Variants in EFCAB6 observed in about 807,000 individuals in gnomAD.
The protein encoded by EFCAB6 is EF-hand calcium binding domain 6.
Under a neutral mutation model 169.8 loss-of-function variants are expected in EFCAB6, and 156 were observed. The ratio of observed to expected loss-of-function variants is 0.92; its 90% CI spans 0.81 to 1.05. EFCAB6 has a LOEUF of 1.05. Ranked by LOEUF, EFCAB6 falls within the 50% of genes least tolerant of loss-of-function variation. The pLI is 0.00. For synonymous variants in EFCAB6, 698 were observed against 676.4 expected (o/e 1.03, Z -0.50); for missense variants, 1,800 against 1,829.1 (o/e 0.98, Z 0.29).
At chr22:43,629,921 T>C (rs2054812669) in intron 19 of EFCAB6, among the ~76,000 whole-genome samples, 2 of 152,120 alleles carry the variant, frequency 1.3e-5, no homozygotes, top group Admixed American at 6.5e-5. Flanking sequence ...CAAGACGAAT[T>C]GTGAAGTGCA....
rs779097018 is a variant in EFCAB6, at chr22:43,598,322, A to ACAAAAAC, written c.2876+1746_2876+1747insGTTTTTG. Among the ~76,000 whole-genome samples the ACAAAAAC allele has an allele frequency of 2.9e-4, 38 of 130,322 alleles. 1 individual carries two copies. In the East Asian group the frequency reaches 4.3e-3, roughly 15 times the overall value. The allele number at this position is 130,322 out of a possible 152,430, so 85.5% of individuals were successfully genotyped here. ...GACACTGTCTCCGGGAAAAAAAAAA[A>ACAAAAAC]AAAAAAAAAAAAAAAAGGTTGATCT... On this transcript the variant is annotated intron_variant, in intron 23 of 31. Transcript: ENST00000262726.
At chr22:43,676,261 C>T (rs1260465838) in intron 13 of EFCAB6, among the ~76,000 whole-genome samples, 1 of 151,584 alleles carries the variant, frequency 6.6e-6, no homozygotes, top group Non-Finnish European at 1.5e-5. Context: ...ACTAAACATA[C>T]AAAAAATTAG....
chr22:43,581,012 G>T lies in EFCAB6; in HGVS notation c.3033-353C>A, dbSNP rs766765250. Among the ~76,000 whole-genome samples, 6 of 152,314 alleles carry T rather than the reference G, an allele frequency of 3.9e-5. No individual in the cohort carries two copies. In the East Asian group the frequency reaches 5.8e-4, roughly 15 times the overall value. ...TGCTGAGAATCTGGCCCTATGACGG[G>T]GGCACGTGAAAGTATGTTGGCAGGG... On this transcript the variant is annotated intron_variant, in intron 24 of 31. Coordinates refer to ENST00000262726, the MANE Select transcript of EFCAB6 (RefSeq NM_022785.4).
chr22:43,640,821 G>T (rs1010020920), intron 17 of EFCAB6, among the ~76,000 whole-genome samples: 1 of 152,012 alleles, frequency 6.6e-6, no homozygotes, highest in African/African-American at 2.4e-5. Context: ...TTTATACTTG[G>T]TATCTCTGGG....
rs1468776599 is a variant in EFCAB6 at position 43,635,192 on chromosome 22, TG to T, written c.2007del (p.Met670TrpfsTer9). On this transcript the variant is annotated frameshift_variant, in exon 18 of 32. Coordinates refer to ENST00000262726, the MANE Select transcript of EFCAB6 (RefSeq NM_022785.4). LOFTEE classifies it high-confidence loss of function. ...FKKVLEDTGMPMDDDQYALLT... is the reference protein window; with the variant it reads ...FKKVLEDTGMXMDDDQYALLT... ...AGCAGGGCATACTGATCATCGTCCA[TG>T]GGCATCCCAGTGTCTTCCAGTACCT... The T allele has an allele frequency of 2.5e-6, 4 of 1,614,018 alleles. No homozygotes were observed. The highest frequency in any genetic ancestry group is 1.6e-4 in the Middle Eastern group (1 of 6,084).
At chr22:43,658,086 G>A (rs5764190) in intron 17 of EFCAB6, among the ~76,000 whole-genome samples, 34,788 of 151,728 alleles carry the variant, frequency 0.23, 5,193 homozygotes, top group East Asian at 0.61. Context: ...AAAATTATCC[G>A]GGTATGGTGG....
intron 11 of EFCAB6, among the ~76,000 whole-genome samples, 188 bp downstream of exon 11, chr22:43,687,283 T>C (rs1031083648): frequency 4.6e-5 from 7 of 152,180 alleles, no homozygotes; most frequent in Admixed American, 2.0e-4. Flanking sequence ...ACCAACCTTA[T>C]AGTTTAAGGC....
At chr22:43,583,601 G>T (rs918279737) in intron 24 of EFCAB6, among the ~76,000 whole-genome samples, 1 of 23,530 alleles carries the variant, frequency 4.2e-5, no homozygotes, top group African/African-American at 1.9e-4. Context: ...CCAAGGTAAT[G>T]ACCTTTTAGC....
At chr22:43,541,082 A>C (rs896417335) in intron 27 of EFCAB6, among the ~76,000 whole-genome samples, 6 of 152,200 alleles carry the variant, frequency 3.9e-5, no homozygotes, top group African/African-American at 1.2e-4. Context: ...GCACAGCCCC[A>C]AAAACCAGAC....
intron 24 of EFCAB6, among the ~76,000 whole-genome samples, chr22:43,587,022 A>G (rs1456152225): frequency 6.6e-6 from 1 of 152,220 alleles, no homozygotes; most frequent in Non-Finnish European, 1.5e-5. Flanking sequence ...GGAATGTGGA[A>G]GAGAGAAAAT....
chr22:43,759,809 C>A (rs1426463803), intron 5 of EFCAB6: 3 of 152,180 alleles, frequency 2.0e-5, no homozygotes, highest in Non-Finnish European at 4.4e-5. Context: ...GATTTTGATA[C>A]ATGACAAGGT....
intron 20 of EFCAB6, among the ~76,000 whole-genome samples, chr22:43,623,981 G>A (rs1300745228): frequency 2.0e-5 from 3 of 151,956 alleles, no homozygotes; most frequent in Non-Finnish European, 4.4e-5. Context: ...GGTGGTGGAG[G>A]TGGAACAGGG....
intron 29 of EFCAB6, chr22:43,535,520 G>A (rs2047334052): frequency 6.6e-6 from 1 of 152,216 alleles, no homozygotes; most frequent in African/African-American, 2.4e-5. Flanking sequence ...GTGGCCGAGA[G>A]GCTGGCCCAC....
At chr22:43,715,134 A>C (rs1033410673) in intron 9 of EFCAB6, among the ~76,000 whole-genome samples, 1 of 152,218 alleles carries the variant, frequency 6.6e-6, no homozygotes, top group African/African-American at 2.4e-5. Flanking sequence ...CCAGCTCTTA[A>C]TAGCTTTTAA....
intron 21 of EFCAB6, among the ~76,000 whole-genome samples, chr22:43,611,446 G>T (rs1371193190): frequency 6.6e-6 from 1 of 152,126 alleles, no homozygotes; most frequent in Non-Finnish European, 1.5e-5. Flanking sequence ...GAGATTCAAT[G>T]CTATTCCTGT....
At chr22:43,685,265 C>T (rs2058148246) in intron 11 of EFCAB6, among the ~76,000 whole-genome samples, 1 of 152,018 alleles carries the variant, frequency 6.6e-6, no homozygotes, top group Admixed American at 6.6e-5. Context: ...CACCTAGAAA[C>T]CTGGTAAAGC....
chr22:43,536,342 AACTT>A (rs2047382207), intron 29 of EFCAB6: 1 of 152,222 alleles, frequency 6.6e-6, no homozygotes, highest in African/African-American at 2.4e-5. Flanking sequence ...AATAGGCTCT[AACTT>A]AAAGAGTTTA....
At chr22:43,619,720 CAT>C (rs2053991844) in intron 20 of EFCAB6, among the ~76,000 whole-genome samples, 1 of 152,086 alleles carries the variant, frequency 6.6e-6, no homozygotes, top group Non-Finnish European at 1.5e-5. Context: ...ATAAAAATAA[CAT>C]AGTCTCAGAG....
chr22:43,800,021 T>C (rs1361079050), intron 2 of EFCAB6, among the ~76,000 whole-genome samples: 1 of 152,206 alleles, frequency 6.6e-6, no homozygotes, highest in Non-Finnish European at 1.5e-5. Context: ...GAAACATCCC[T>C]GAGGACAGAC....
Sources: gnomAD v4.1 joint callset for allele counts (sites outside exome capture counted in the v4.1 genomes callset) on GRCh38, gnomAD v4.1.1 for gene constraint, MANE v1.5 for transcripts, NCBI Gene and HGNC (gene_info 2026-07-23, HGNC 2026-07-21) for gene names.